Variants in ARPP21 observed in about 807,000 individuals in gnomAD.
ARPP21 encodes cAMP-regulated phosphoprotein 21.
In ARPP21, 69 loss-of-function variants were observed where a neutral mutation model predicts 113.2. The observed-to-expected ratio is 0.61, with a 90% CI of 0.50 to 0.74. The LOEUF (loss-of-function observed/expected upper bound fraction) is 0.74. ARPP21 is among the 30% of genes least tolerant of loss of function. The pLI is 0.00. For missense variants in ARPP21, 1,070 were observed against 1,037.4 expected (o/e 1.03, Z -0.43); for synonymous variants, 368 against 375.5 (o/e 0.98, Z 0.23).
At chr3:35,779,603 G>A (rs2151698794) in intron 19 of ARPP21, among the ~76,000 whole-genome samples, 1 of 152,088 alleles carries the variant, frequency 6.6e-6, no homozygotes, top group African/African-American at 2.4e-5. Flanking sequence ...AAAAAGTGGG[G>A]GGCAGGTGGT....
In ARPP21 at chr3:35,731,941, G is replaced by C. The variant is rs563709524; in HGVS notation, c.1459+2405G>C. 3.9e-5 allele frequency among the ~76,000 whole-genome samples: 6 copies of C among 152,212 alleles called. No individual in the cohort carries two copies. In the East Asian group the frequency reaches 1.2e-3, roughly 29 times the overall value. ...TACTTAGAAGCTGTTGTGCAGAGGAGCCATACTTAGTTATTTTATTTTATT... is the reference window on the plus strand; with the variant it reads ...TACTTAGAAGCTGTTGTGCAGAGGACCCATACTTAGTTATTTTATTTTATT... On this transcript the variant is annotated intron_variant, in intron 15 of 20. Transcript: ENST00000684406.
chr3:35,776,479 G>A (rs928058766), intron 19 of ARPP21, among the ~76,000 whole-genome samples: 1 of 152,250 alleles, frequency 6.6e-6, no homozygotes, highest in African/African-American at 2.4e-5. Flanking sequence ...GCAATGACAC[G>A]GAGCTCCACT....
intron 7 of ARPP21, 139 bp from the exon 8 acceptor site, chr3:35,689,942 G>C: frequency 1.7e-6 from 1 of 575,904 alleles, no homozygotes; most frequent in Admixed American, 3.1e-5. Context: ...TAAATGGTCA[G>C]CATATTCCAA....
At chr3:35,669,700 T>C (rs1220315919) in intron 1 of ARPP21, among the ~76,000 whole-genome samples, 1 of 152,182 alleles carries the variant, frequency 6.6e-6, no homozygotes, top group Non-Finnish European at 1.5e-5. Context: ...TCTTTCTTTC[T>C]GAAGTGTCAA....
intron 1 of ARPP21, among the ~76,000 whole-genome samples, chr3:35,664,819 G>A (rs1709474433): frequency 6.6e-6 from 1 of 152,188 alleles, no homozygotes; most frequent in African/African-American, 2.4e-5. Context: ...CCAACTCCCA[G>A]CAGCTGCTGC....
rs767940970 is a variant in ARPP21 at position 35,739,545 on chromosome 3, C to G, written c.1978C>G (p.Gln660Glu). 6.2e-7 allele frequency: 1 copy of G among 1,613,756 alleles called. No homozygotes were observed. The highest frequency in any genetic ancestry group is 8.5e-7 in the Non-Finnish European group (1 of 1,179,798). Reference sequence around the variant, plus strand: ...GGTCCTCCAGCCCCCTCCCTCACCACAGGGATTTGTGCAACAGCCTCCGCC... The same window carrying G: ...GGTCCTCCAGCCCCCTCCCTCACCAGAGGGATTTGTGCAACAGCCTCCGCC... The part of the protein sequence containing the change: ...QQVLQPPPSP[Q>E]GFVQQPPPAQ... The change falls in exon 18 of 21, where the codon CAG becomes GAG. Residue 660 changes from glutamine (Q) to glutamate (E), a missense_variant. Coordinates refer to ENST00000684406, the MANE Select transcript of ARPP21 (RefSeq NM_001385562.1).
chr3:35,755,732 G>A (rs901427977), intron 19 of ARPP21, among the ~76,000 whole-genome samples: 4 of 152,056 alleles, frequency 2.6e-5, no homozygotes, highest in Non-Finnish European at 5.9e-5. Context: ...AATTAGTTGT[G>A]ACAAAAGAGT....
chr3:35,758,335 C>A (rs770124971), intron 19 of ARPP21, among the ~76,000 whole-genome samples: 1 of 152,098 alleles, frequency 6.6e-6, no homozygotes, highest in Non-Finnish European at 1.5e-5. Flanking sequence ...TCTTTAGCTT[C>A]TACATTCAAC....
chr3:35,771,330 A>ATTGTT (rs2096193062), intron 19 of ARPP21, among the ~76,000 whole-genome samples: 1 of 150,852 alleles, frequency 6.6e-6, no homozygotes, highest in Non-Finnish European at 1.5e-5. Flanking sequence ...GAAGGTAATG[A>ATTGTT]TTGTTTTTTT....
rs1405070321 is a variant in ARPP21, at chr3:35,660,815, T to G, written c.-212-18972T>G. On this transcript the variant is annotated intron_variant, in intron 1 of 20. Transcript: ENST00000684406. Reference sequence around the variant, plus strand: ...TTACTGGATGGGAGATAGTTGTGGGTTTTTTTCCCTAAATAATGAATTAGT... The same window carrying G: ...TTACTGGATGGGAGATAGTTGTGGGGTTTTTTCCCTAAATAATGAATTAGT... Among the ~76,000 whole-genome samples the G allele has an allele frequency of 2.6e-5, 4 of 152,132 alleles. No homozygotes were observed. In the South Asian group the frequency reaches 6.2e-4, roughly 24 times the overall value.
intron 1 of ARPP21, among the ~76,000 whole-genome samples, chr3:35,655,819 T>C (rs1704591501): frequency 1.3e-5 from 2 of 152,038 alleles, no homozygotes; most frequent in Admixed American, 6.6e-5. Flanking sequence ...ATCATATACA[T>C]GAGAATCACC....
rs548343166 is a variant in ARPP21, at chr3:35,790,309, A to C, written c.2138-2073A>C. Among the ~76,000 whole-genome samples, 78 of 152,306 alleles carry C rather than the reference A, an allele frequency of 5.1e-4. No homozygotes were observed. In the South Asian group the frequency reaches 6.2e-3, roughly 12 times the overall value. On this transcript the variant is annotated intron_variant, in intron 19 of 20. Coordinates refer to ENST00000684406, the MANE Select transcript of ARPP21 (RefSeq NM_001385562.1). ...TGCTGTAGAACTAAATCAGAAGGAA[A>C]TCTGTTGGTTATAAGTTTTCTATGA...
intron 19 of ARPP21, among the ~76,000 whole-genome samples, chr3:35,777,956 A>G (rs2096419856): frequency 6.6e-6 from 1 of 152,176 alleles, no homozygotes; most frequent in Admixed American, 6.5e-5. Context: ...TGAGTCAAAC[A>G]CTCTACCCTA....
At chr3:35,662,003 G>A (rs187273996) in intron 1 of ARPP21, among the ~76,000 whole-genome samples, 20 of 152,154 alleles carry the variant, frequency 1.3e-4, no homozygotes, top group East Asian at 3.9e-4. Context: ...TATAATTTTC[G>A]GAGGTGTTCA....
rs145491116 is a variant in ARPP21, at chr3:35,792,364, G to T, written c.2138-18G>T. On this transcript the variant is annotated intron_variant, in intron 19 of 20. Transcript: ENST00000684406. Reference sequence around the variant, plus strand: ...TTCTTTCTGCACAACCAGTTCAAAAGATCTCTTTTCTTCGCAGGTTACCAG... The same window carrying T: ...TTCTTTCTGCACAACCAGTTCAAAATATCTCTTTTCTTCGCAGGTTACCAG... The T allele has an allele frequency of 1.2e-4, 188 of 1,613,280 alleles. 1 individual carries two copies. The East Asian group carries it at 4.0e-3, about 35-fold the overall frequency.
chr3:35,721,603 AG>A lies in ARPP21; in HGVS notation c.998del. 1 of 1,578,134 alleles carries A rather than the reference AG, an allele frequency of 6.3e-7. No individual in the cohort carries two copies. Among genetic ancestry groups the A allele is most frequent in the Non-Finnish European group, 8.7e-7 (1 of 1,147,666 alleles). The stretch of plus-strand genomic sequence containing the variant: ...TGCATCTTTCTGGTGGTCGTACTCC[AG>A]GGGCAACAGAGATGGCTCAGGGAGA... On this transcript the variant is annotated splice_acceptor_variant, in intron 13 of 20. Coordinates refer to ENST00000684406, the MANE Select transcript of ARPP21 (RefSeq NM_001385562.1). LOFTEE classifies it high-confidence loss of function.
At chr3:35,712,514 CTGTGTGTGTG>C (rs10579469) in intron 11 of ARPP21, among the ~76,000 whole-genome samples, 15,635 of 132,820 alleles carry the variant, frequency 0.12, 863 homozygotes, top group African/African-American at 0.14. Context: ...TCTAAGGTGT[CTGTGTGTGTG>C]TGTGTGTGTG....
chr3:35,736,545 G>T (rs1398690413), intron 15 of ARPP21, among the ~76,000 whole-genome samples: 4 of 152,162 alleles, frequency 2.6e-5, no homozygotes, highest in African/African-American at 4.8e-5. Flanking sequence ...TAAGGCAAAA[G>T]AATATATATT....
chr3:35,700,301 T>C (rs527449244), intron 9 of ARPP21, among the ~76,000 whole-genome samples: 1 of 151,936 alleles, frequency 6.6e-6, no homozygotes, highest in Non-Finnish European at 1.5e-5. Flanking sequence ...CTCAGTGTTA[T>C]GTCTGTATGC....
Sources: allele counts gnomAD v4.1 joint callset (sites outside exome capture counted in the v4.1 genomes callset), GRCh38; gene constraint gnomAD v4.1.1; transcripts MANE v1.5; gene names NCBI Gene and HGNC (gene_info 2026-07-23, HGNC 2026-07-21).